Variants in IGSF11 observed in about 807,000 individuals in gnomAD.
IGSF11 encodes the protein CXADR like 1.
Under a neutral mutation model 41.0 loss-of-function variants are expected in IGSF11, and 22 were observed. The ratio of observed to expected loss-of-function variants is 0.54; its 90% CI spans 0.38 to 0.77. The LOEUF (loss-of-function observed/expected upper bound fraction) is 0.77, where lower values mean the gene tolerates loss of function less well. IGSF11 is among the 30% of genes least tolerant of loss of function. IGSF11 has a pLI of 0.00. For missense variants in IGSF11, 444 were observed against 530.8 expected (o/e 0.84, Z 1.61); for synonymous variants, 219 against 201.3 (o/e 1.09, Z -0.74).
chr3:119,056,879 T>G (rs1025871732), intron 1 of IGSF11, among the ~76,000 whole-genome samples: 2 of 152,208 alleles, frequency 1.3e-5, no homozygotes, highest in Non-Finnish European at 2.9e-5. Flanking sequence ...AAACACATGA[T>G]TATCTCAATA....
chr3:119,133,018 T>C (rs904654844), intron 1 of IGSF11, among the ~76,000 whole-genome samples: 1 of 152,142 alleles, frequency 6.6e-6, no homozygotes, highest in African/African-American at 2.4e-5. Flanking sequence ...TTGAAACCAA[T>C]GAGAACAACG....
At chr3:119,050,588 C>T (rs1219141121) in intron 1 of IGSF11, among the ~76,000 whole-genome samples, 2 of 151,800 alleles carry the variant, frequency 1.3e-5, no homozygotes, top group African/African-American at 2.4e-5. Flanking sequence ...GTCAGTGTGG[C>T]GATTCCTCAG....
At chr3:119,049,022 C>T (rs1384671937) in intron 1 of IGSF11, among the ~76,000 whole-genome samples, 1 of 151,326 alleles carries the variant, frequency 6.6e-6, no homozygotes, top group Non-Finnish European at 1.5e-5. Flanking sequence ...CTATCTATGA[C>T]AAACCCACAG....
chr3:118,990,883 T>C lies in IGSF11; in HGVS notation c.52+43648A>G, dbSNP rs1935732214. On this transcript the variant is annotated intron_variant, in intron 1 of 6. Coordinates refer to ENST00000393775, the MANE Select transcript of IGSF11 (RefSeq NM_001015887.3). ...GCAAGGGTATGTATATATGTGTAGG[T>C]AGGAAGGGAGAGTTCCTTGATTGGA... is the stretch of plus-strand genomic sequence containing the variant. 2.6e-5 allele frequency among the ~76,000 whole-genome samples: 4 copies of C among 152,148 alleles called. No homozygotes were observed. In the South Asian group the frequency reaches 8.3e-4, roughly 31 times the overall value.
In IGSF11 at chr3:118,902,647, C is replaced by G; in HGVS notation, c.1169G>C (p.Gly390Ala). 1 of 1,614,116 alleles carries G rather than the reference C, an allele frequency of 6.2e-7. No individual in the cohort carries two copies. The highest frequency in any genetic ancestry group is 8.5e-7 in the Non-Finnish European group (1 of 1,180,004). The change falls in exon 7 of 7, where the codon GGC becomes GCC. Residue 390 changes from glycine to alanine, a missense_variant. Coordinates refer to ENST00000393775, the MANE Select transcript of IGSF11 (RefSeq NM_001015887.3). ...SSPQVMSRSN[G>A]SVSRKPRPPH... ...AGGCCGAGGCTTCCTACTGACTGAG[C>G]CATTGCTCCTGGACATCACCTGTGG...
intron 1 of IGSF11, among the ~76,000 whole-genome samples, chr3:118,988,357 G>A (rs1935456996): frequency 6.6e-6 from 1 of 152,126 alleles, no homozygotes; most frequent in South Asian, 2.1e-4. Flanking sequence ...ATTCAGTCTG[G>A]AATTCAAATG....
chr3:118,964,732 A>T (rs13067733), intron 1 of IGSF11, among the ~76,000 whole-genome samples: 12,975 of 152,210 alleles, frequency 0.085, 704 homozygotes, highest in Middle Eastern at 0.12. Flanking sequence ...AAAAAAACTC[A>T]TTCTAATGTT....
At chr3:119,017,605 T>G (rs984054652) in intron 1 of IGSF11, among the ~76,000 whole-genome samples, 1 of 152,136 alleles carries the variant, frequency 6.6e-6, no homozygotes. Context: ...TATTTAATCT[T>G]TCTGATCATT....
At chr3:119,013,764 G>A (rs546768924) in intron 1 of IGSF11, among the ~76,000 whole-genome samples, 3 of 152,290 alleles carry the variant, frequency 2.0e-5, no homozygotes, top group Admixed American at 6.5e-5. Context: ...AGTGGACAAC[G>A]TGTGTCTTGC....
chr3:118,970,707 G>T (rs1933293559), intron 1 of IGSF11, among the ~76,000 whole-genome samples: 1 of 149,958 alleles, frequency 6.7e-6, no homozygotes. Context: ...TCATTACTGT[G>T]GTTTTCAAAT....
chr3:118,918,287 G>A (rs1941382937), intron 4 of IGSF11, among the ~76,000 whole-genome samples: 1 of 113,744 alleles, frequency 8.8e-6, no homozygotes, highest in Non-Finnish European at 1.6e-5. Flanking sequence ...GAAATAAAAG[G>A]TATTCAATTA....
At chr3:119,021,377 A>C (rs1052876701) in intron 1 of IGSF11, among the ~76,000 whole-genome samples, 1 of 152,184 alleles carries the variant, frequency 6.6e-6, no homozygotes. Flanking sequence ...GAGGAAGAGG[A>C]AAAAGACAAC....
At position 118,928,606 on chromosome 3, in the gene IGSF11, G is replaced by A; in HGVS notation, c.327C>T (p.Asn109=). Residue 109 remains asparagine (N), a synonymous_variant, in exon 3 of 7, where the codon AAC becomes AAT. Transcript: ENST00000393775. ...PATNVSIFIN[N]TQLSDTGTYQ... is the part of the protein sequence containing the mutation. ...AGGTGCCAGTGTCTGATAACTGAGT[G>A]TTATTAATGAAGATAGAGACATTGG... 1.2e-6 allele frequency: 2 copies of A among 1,613,998 alleles called. No homozygotes were observed. Among genetic ancestry groups the A allele is most frequent in the Middle Eastern group, 1.7e-4 (1 of 6,032 alleles).
chr3:119,073,857 C>T (rs187032986), intron 1 of IGSF11, among the ~76,000 whole-genome samples: 7 of 152,332 alleles, frequency 4.6e-5, no homozygotes, highest in Non-Finnish European at 8.8e-5. Context: ...CACAGTGCAG[C>T]GGTAGGCTGA....
chr3:118,928,550 A>C lies in IGSF11; in HGVS notation c.383T>G (p.Ile128Arg), dbSNP rs142483595. The change falls in exon 3 of 7, where the codon ATA (isoleucine) becomes AGA (arginine). Residue 128 changes from isoleucine (I) to arginine (R), a missense_variant. By Grantham distance (97) the Ile-to-Arg change is moderately conservative (BLOSUM62 -3). This residue lies in a region of IGSF11 where 193 missense variants were observed against 283.5 expected (regional missense o/e 0.68). Transcript: ENST00000393775. ...GGTGACCCCAATGTTCCTGCCCCCT[A>C]TGTCTGGAAGGTTGTTGACCAGGCA... ...YQCLVNNLPD[I>R]GGRNIGVTGL... The C allele has an allele frequency of 6.2e-7, 1 of 1,613,518 alleles. No individual in the cohort carries two copies. The highest frequency in any genetic ancestry group is 8.5e-7 in the Non-Finnish European group (1 of 1,179,934).
intron 1 of IGSF11, among the ~76,000 whole-genome samples, chr3:118,958,464 A>G (rs1945112403): frequency 1.3e-5 from 2 of 152,190 alleles, no homozygotes; most frequent in Admixed American, 1.3e-4. Flanking sequence ...TTATATGAGG[A>G]CTATGGCCAG....
In IGSF11 at chr3:118,902,479, A is replaced by G; in HGVS notation, c.*41T>C. 1 of 482,122 alleles carries G rather than the reference A, an allele frequency of 2.1e-6. No individual in the cohort carries two copies. Among genetic ancestry groups the G allele is most frequent in the South Asian group, 1.6e-5 (1 of 60,730 alleles). The allele number at this position is 482,122 out of a possible 1,614,324, so 29.9% of individuals were successfully genotyped here. Reference sequence around the variant, plus strand: ...CCCACCCTCCCCCTTGTATGAGGGCATTCCATTTATTCATTTCTGAACACA... The same window carrying G: ...CCCACCCTCCCCCTTGTATGAGGGCGTTCCATTTATTCATTTCTGAACACA... On this transcript the variant is annotated 3_prime_UTR_variant, in exon 7 of 7. Transcript: ENST00000393775.
chr3:118,994,513 C>T (rs555519679), intron 1 of IGSF11, among the ~76,000 whole-genome samples: 3 of 152,214 alleles, frequency 2.0e-5, no homozygotes, highest in African/African-American at 7.2e-5. Flanking sequence ...ACAAAATTAG[C>T]CAGGTGTGGT....
At chr3:118,966,575 T>C (rs567844003) in intron 1 of IGSF11, among the ~76,000 whole-genome samples, 4 of 152,178 alleles carry the variant, frequency 2.6e-5, no homozygotes, top group Non-Finnish European at 4.4e-5. Context: ...AGACTAGAAT[T>C]AAAAAGGTAA....
Sources: gnomAD v4.1 joint callset for allele counts (sites outside exome capture counted in the v4.1 genomes callset) on GRCh38, gnomAD v4.1.1 for gene constraint, gnomAD v4.1.1 regional missense constraint, MANE v1.5 for transcripts, NCBI Gene and HGNC (gene_info 2026-07-23, HGNC 2026-07-21) for gene names.